FBLN5: variants seen among roughly 807,000 people sequenced by gnomAD.
The protein encoded by FBLN5 is fibulin 5, also known as fibulin-5.
A neutral mutation model predicts 61.6 loss-of-function variants in FBLN5; 24 were observed. The ratio of observed to expected loss-of-function variants is 0.39; its 90% CI spans 0.28 to 0.55. The LOEUF (loss-of-function observed/expected upper bound fraction) is 0.55. FBLN5 is among the 20% of genes least tolerant of loss of function. The pLI is 0.65. For missense variants in FBLN5, 470 were observed against 594.1 expected, an observed-to-expected ratio of 0.79 and a Z score of 2.17; for synonymous variants, 213 against 219.8, an observed-to-expected ratio of 0.97 and a Z score of 0.27.
chr14:91,932,022 G>A (rs1169890186), intron 4 of FBLN5, among the ~76,000 whole-genome samples: 1 of 152,146 alleles, frequency 6.6e-6, no homozygotes, highest in South Asian at 2.1e-4. Flanking sequence ...CCTCTGTCTG[G>A]GTCTTGATTG....
chr14:91,880,526 CGTGTGTGTGTGTGTGTGT>C (rs140201135), intron 9 of FBLN5, among the ~76,000 whole-genome samples: 7 of 147,558 alleles, frequency 4.7e-5, no homozygotes, highest in African/African-American at 7.5e-5. Context: ...AGTGTGCGTG[CGTGTGTGTGTGTGTGTGT>C]GTGTGTGTGT....
At chr14:91,922,346 AT>A (rs1221172166) in intron 4 of FBLN5, among the ~76,000 whole-genome samples, 7 of 151,006 alleles carry the variant, frequency 4.6e-5, no homozygotes, top group African/African-American at 1.7e-4. Context: ...AAATAAATAA[AT>A]AAATAAATAA....
At chr14:91,905,319 C>CAAA (rs1326875123) in intron 4 of FBLN5, among the ~76,000 whole-genome samples, 1 of 152,092 alleles carries the variant, frequency 6.6e-6, no homozygotes, top group African/African-American at 2.4e-5. Context: ...AGCTTGCAGG[C>CAAA]AAGAGAGGAG....
chr14:91,880,191 A>C (rs968996679), intron 9 of FBLN5, among the ~76,000 whole-genome samples: 2 of 152,000 alleles, frequency 1.3e-5, no homozygotes, highest in Admixed American at 6.6e-5. Flanking sequence ...CAGCACCTCA[A>C]TACTCAACTC....
chr14:91,928,376 G>A (rs182213115), intron 4 of FBLN5, among the ~76,000 whole-genome samples: 53 of 152,318 alleles, frequency 3.5e-4, no homozygotes, highest in South Asian at 1.7e-3. Flanking sequence ...TAAAGCCCAT[G>A]TACTCCCTTC....
At chr14:91,913,695 C>G (rs1054816879) in intron 4 of FBLN5, among the ~76,000 whole-genome samples, 1 of 152,226 alleles carries the variant, frequency 6.6e-6, no homozygotes, top group African/African-American at 2.4e-5. Flanking sequence ...ATTATATCAG[C>G]AAATACTTAC....
chr14:91,930,035 GAC>G (rs1256457016), intron 4 of FBLN5, among the ~76,000 whole-genome samples: 1 of 152,094 alleles, frequency 6.6e-6, no homozygotes, highest in Non-Finnish European at 1.5e-5. Flanking sequence ...CTCCCTAAAC[GAC>G]ACACACTATT....
intron 10 of FBLN5, among the ~76,000 whole-genome samples, chr14:91,872,734 C>T (rs1888998375): frequency 6.6e-6 from 1 of 152,216 alleles, no homozygotes; most frequent in South Asian, 2.1e-4. Flanking sequence ...CCTCCTCACG[C>T]AGATTTCTTG....
intron 10 of FBLN5, among the ~76,000 whole-genome samples, chr14:91,876,129 G>C (rs1889150547): frequency 6.6e-6 from 1 of 152,226 alleles, no homozygotes; most frequent in Non-Finnish European, 1.5e-5. Flanking sequence ...TTGTGAAATT[G>C]TTAAACTGTA....
intron 7 of FBLN5, 68 bp downstream of exon 7, chr14:91,887,125 C>T: frequency 6.4e-7 from 1 of 1,560,208 alleles, no homozygotes; most frequent in Non-Finnish European, 8.8e-7. Context: ...ATGAAGGAAG[C>T]CCTTGCCCTT....
At chr14:91,939,038 A>T (rs764794913) in intron 3 of FBLN5, among the ~76,000 whole-genome samples, 1 of 152,200 alleles carries the variant, frequency 6.6e-6, no homozygotes, top group Non-Finnish European at 1.5e-5. Context: ...CTCACTGTTC[A>T]TCGATTTTTC....
In FBLN5 at chr14:91,877,588, G is replaced by A. The variant is rs1319405796; in HGVS notation, c.1084C>T (p.Pro362Ser). ...GCTTGCATTTGGAAGATGTCAGCGGGAACGGAGCGTCCTGACACCACGTCC... is the reference window on the plus strand; with the variant it reads ...GCTTGCATTTGGAAGATGTCAGCGGAAACGGAGCGTCCTGACACCACGTCC... ...DMDVVSGRSVPADIFQMQATT... is the reference protein window; with the variant it reads ...DMDVVSGRSVSADIFQMQATT... Residue 362 changes from proline to serine, a missense_variant, in exon 10 of 11, where the codon CCC becomes TCC. Coordinates refer to ENST00000342058, the MANE Select transcript of FBLN5 (RefSeq NM_006329.4). 1.4e-5 allele frequency: 23 copies of A among 1,614,032 alleles called. No homozygotes were observed. The highest frequency in any genetic ancestry group is 1.9e-5 in the Non-Finnish European group (23 of 1,179,884).
chr14:91,921,833 G>A (rs2055740589), intron 4 of FBLN5, among the ~76,000 whole-genome samples: 1 of 152,200 alleles, frequency 6.6e-6, no homozygotes, highest in Admixed American at 6.5e-5. Flanking sequence ...AGGTCCAGAA[G>A]GGCCTGGTAT....
At chr14:91,897,918 C>T (rs1007029028) in intron 4 of FBLN5, among the ~76,000 whole-genome samples, 6 of 152,044 alleles carry the variant, frequency 3.9e-5, no homozygotes, top group Middle Eastern at 3.4e-3. Flanking sequence ...GGTGTGGTGG[C>T]GCATACCTGT....
intron 4 of FBLN5, among the ~76,000 whole-genome samples, chr14:91,901,402 TA>T (rs780835791): frequency 7.9e-5 from 12 of 152,202 alleles, no homozygotes; most frequent in Non-Finnish European, 1.3e-4. Flanking sequence ...CTTTTTTGGA[TA>T]TGGCAAAAAT....
chr14:91,937,075 TAG>T lies in FBLN5; in HGVS notation c.249_250del (p.Tyr84LeufsTer37). On this transcript the variant is annotated frameshift_variant, in exon 4 of 11. Coordinates refer to ENST00000342058, the MANE Select transcript of FBLN5 (RefSeq NM_006329.4). LOFTEE classifies it high-confidence loss of function. Reference sequence around the variant, plus strand: ...GTACGGACCTGAGTAGGGGGTCGAGTAGGGGTTCGAGTAGGGCCCTCGATACA... The same window carrying T: ...GTACGGACCTGAGTAGGGGGTCGAGTGGGTTCGAGTAGGGCCCTCGATACA... The T allele has an allele frequency of 6.2e-7, 1 of 1,613,392 alleles. No individual in the cohort carries two copies. The highest frequency in any genetic ancestry group is 8.5e-7 in the Non-Finnish European group (1 of 1,179,798).
At chr14:91,927,675 G>A (rs763527192) in intron 4 of FBLN5, among the ~76,000 whole-genome samples, 8 of 152,298 alleles carry the variant, frequency 5.3e-5, no homozygotes, top group East Asian at 3.9e-4. Flanking sequence ...CCTGGCATTC[G>A]AGGCTATTTG....
At chr14:91,876,568 G>C (rs1457036176) in intron 10 of FBLN5, among the ~76,000 whole-genome samples, 1 of 152,196 alleles carries the variant, frequency 6.6e-6, no homozygotes, top group African/African-American at 2.4e-5. Context: ...ATAAGAAGGA[G>C]ACAAAGGGAG....
Position 91,870,460 on chromosome 14 carries a change from T to C in FBLN5, c.1186-75A>G, listed in dbSNP as rs908367043. The C allele has an allele frequency of 4.0e-6, 6 of 1,481,726 alleles. No homozygotes were observed. In the Admixed American group the frequency reaches 1.0e-4, roughly 25 times the overall value. 91.8% of individuals were successfully genotyped at this position (1,481,726 alleles called of 1,614,324 possible). Reference sequence around the variant, plus strand: ...CCTGCAGCCCCACCTGGGCGCTCCCTTGCCTCCGTCAGTCAAACTGGCACC... The same window carrying C: ...CCTGCAGCCCCACCTGGGCGCTCCCCTGCCTCCGTCAGTCAAACTGGCACC... On this transcript the variant is annotated intron_variant, in intron 10 of 10. Coordinates refer to ENST00000342058, the MANE Select transcript of FBLN5 (RefSeq NM_006329.4).
Sources: allele counts gnomAD v4.1 joint callset (sites outside exome capture counted in the v4.1 genomes callset), GRCh38; gene constraint gnomAD v4.1.1; transcripts MANE v1.5; gene names NCBI Gene and HGNC (gene_info 2026-07-23, HGNC 2026-07-21).